Variants in GPR39 observed in about 807,000 individuals in gnomAD.
GPR39 encodes G protein-coupled receptor 39.
Under a neutral mutation model 18.4 loss-of-function variants are expected in GPR39, and 23 were observed. The ratio of observed to expected loss-of-function variants is 1.25; its 90% CI spans 0.90 to 1.77. GPR39 has a LOEUF of 1.77. Among genes scored for constraint, GPR39 ranks in the 40% most tolerant of loss-of-function variants. The probability of loss-of-function intolerance (pLI) is 0.00; values close to 1 mark genes in which losing one functional copy is unlikely to be tolerated. For synonymous variants in GPR39, 280 were observed against 257.9 expected, an observed-to-expected ratio of 1.09 and a Z score of -0.82; for missense variants, 647 against 602.4, an observed-to-expected ratio of 1.07 and a Z score of -0.78.
intron 1 of GPR39, among the ~76,000 whole-genome samples, chr2:132,515,950 C>A (rs961101322): frequency 6.6e-6 from 1 of 152,156 alleles, no homozygotes; most frequent in African/African-American, 2.4e-5. Flanking sequence ...TGAAGCCTCC[C>A]ATGTCATGTA....
At chr2:132,452,799 A>G (rs1680653890) in intron 1 of GPR39, among the ~76,000 whole-genome samples, 1 of 121,600 alleles carries the variant, frequency 8.2e-6, no homozygotes. Flanking sequence ...CCTGAAAAGG[A>G]CATGAACTCA....
chr2:132,534,596 C>T (rs1679711572), intron 1 of GPR39, among the ~76,000 whole-genome samples: 1 of 150,806 alleles, frequency 6.6e-6, no homozygotes, highest in Non-Finnish European at 1.5e-5. Context: ...ACCCAAATGT[C>T]CAACAATGAT....
Position 132,645,753 on chromosome 2 carries a change from T to TTCTAAGGACTGACTC in GPR39, c.*149_*163dup. 8.7e-7 allele frequency: 1 copy of TTCTAAGGACTGACTC among 1,142,960 alleles called. No homozygotes were observed. The allele number at this position is 1,142,960 out of a possible 1,614,324, so 70.8% of individuals were successfully genotyped here. On this transcript the variant is annotated 3_prime_UTR_variant, in exon 2 of 2. Transcript: ENST00000329321. ...AAAGGCAGATGCCCACCTCAGTGACTTCTAAGGACTGACTCTGCCAGCCTG... is the reference window on the plus strand; with the variant it reads ...AAAGGCAGATGCCCACCTCAGTGACTTCTAAGGACTGACTCTCTAAGGACTGACTCTGCCAGCCTG...
intron 1 of GPR39, among the ~76,000 whole-genome samples, chr2:132,509,430 A>G (rs961249727): frequency 9.2e-5 from 9 of 97,824 alleles, no homozygotes; most frequent in Admixed American, 2.6e-4. Context: ...CTCAAATATC[A>G]TATACACACT....
chr2:132,578,304 C>G (rs1680563795), intron 1 of GPR39, among the ~76,000 whole-genome samples: 1 of 152,012 alleles, frequency 6.6e-6, no homozygotes, highest in South Asian at 2.1e-4. Context: ...TGTTAAAGAA[C>G]TTTATATACA....
At chr2:132,437,758 G>T (rs921037117) in intron 1 of GPR39, among the ~76,000 whole-genome samples, 2 of 152,204 alleles carry the variant, frequency 1.3e-5, no homozygotes, top group African/African-American at 4.8e-5. Flanking sequence ...CAAGGAAATT[G>T]CAAGACACCA....
intron 1 of GPR39, among the ~76,000 whole-genome samples, chr2:132,496,131 G>A (rs2104800172): frequency 6.6e-6 from 1 of 152,286 alleles, no homozygotes; most frequent in Middle Eastern, 3.4e-3. Flanking sequence ...GGCTGCAGGA[G>A]CAATATAATT....
At position 132,432,126 on chromosome 2, in the gene GPR39, C is replaced by T. The variant is rs559524149; in HGVS notation, c.856+14228C>T. Among the ~76,000 whole-genome samples the T allele has an allele frequency of 4.5e-4, 69 of 152,222 alleles. No individual in the cohort carries two copies. The South Asian group carries it at 0.014, about 30-fold the overall frequency. Reference sequence around the variant, plus strand: ...TCTTGCTCCATTTGGGCTGTTATATCGAAATACCATAAACTGGGTGGTTTG... The same window carrying T: ...TCTTGCTCCATTTGGGCTGTTATATTGAAATACCATAAACTGGGTGGTTTG... On this transcript the variant is annotated intron_variant, in intron 1 of 1. Transcript: ENST00000329321.
Position 132,417,145 on chromosome 2 carries a change from C to A in GPR39, c.103C>A (p.Leu35Met), listed in dbSNP as rs760156002. 6.2e-7 allele frequency: 1 copy of A among 1,614,190 alleles called. No individual in the cohort carries two copies. The highest frequency in any genetic ancestry group is 2.2e-5 in the East Asian group (1 of 44,870). ...CACCTGGATCAAAATCACCCTTATT[C>A]TGGTGTACCTGATCATCTTCGTGAT... is the stretch of plus-strand genomic sequence containing the variant. Reference protein sequence around the residue: ...VATWIKITLILVYLIIFVMGL... With the variant: ...VATWIKITLIMVYLIIFVMGL... Residue 35 changes from leucine (L) to methionine (M), a missense_variant, in exon 1 of 2, where the codon CTG (leucine) becomes ATG (methionine). Coordinates refer to ENST00000329321, the MANE Select transcript of GPR39 (RefSeq NM_001508.3).
At chr2:132,465,281 A>G (rs991435997) in intron 1 of GPR39, among the ~76,000 whole-genome samples, 4 of 152,222 alleles carry the variant, frequency 2.6e-5, no homozygotes, top group Non-Finnish European at 5.9e-5. Flanking sequence ...TTGTCTCTAC[A>G]GAGGAGTTCC....
chr2:132,543,368 G>T (rs1001536259), intron 1 of GPR39, among the ~76,000 whole-genome samples: 3 of 152,138 alleles, frequency 2.0e-5, no homozygotes, highest in Non-Finnish European at 2.9e-5. Context: ...TCCACTGTGG[G>T]CATGTTTAGG....
intron 1 of GPR39, among the ~76,000 whole-genome samples, chr2:132,490,895 G>C (rs1225999544): frequency 6.6e-6 from 1 of 152,162 alleles, no homozygotes; most frequent in East Asian, 1.9e-4. Flanking sequence ...GGGAGATGAT[G>C]ATAAACGTGT....
chr2:132,536,804 C>G (rs1466532703), intron 1 of GPR39, among the ~76,000 whole-genome samples: 1 of 152,192 alleles, frequency 6.6e-6, no homozygotes, highest in Non-Finnish European at 1.5e-5. Flanking sequence ...TTGAATTGAT[C>G]CCTTTACCGT....
At chr2:132,589,232 CT>C (rs1291119204) in intron 1 of GPR39, among the ~76,000 whole-genome samples, 1 of 152,152 alleles carries the variant, frequency 6.6e-6, no homozygotes, top group Non-Finnish European at 1.5e-5. Flanking sequence ...CCCATTGCCC[CT>C]CTGCCTTCTT....
At chr2:132,612,833 G>T (rs1681259554) in intron 1 of GPR39, among the ~76,000 whole-genome samples, 1 of 152,142 alleles carries the variant, frequency 6.6e-6, no homozygotes, top group Admixed American at 6.5e-5. Flanking sequence ...TTTAGAATCG[G>T]AGTGTAAATG....
At chr2:132,614,823 G>A (rs951893595) in intron 1 of GPR39, among the ~76,000 whole-genome samples, 3 of 152,120 alleles carry the variant, frequency 2.0e-5, no homozygotes, top group Admixed American at 6.5e-5. Flanking sequence ...TTACAGGCAT[G>A]AGCCACCATG....
chr2:132,505,645 A>G (rs1040103264), intron 1 of GPR39, among the ~76,000 whole-genome samples: 15 of 152,178 alleles, frequency 9.9e-5, no homozygotes, highest in African/African-American at 3.6e-4. Flanking sequence ...GAGTGGGATT[A>G]TGTAATATTT....
At chr2:132,454,977 A>C (rs1680694777) in intron 1 of GPR39, among the ~76,000 whole-genome samples, 1 of 152,192 alleles carries the variant, frequency 6.6e-6, no homozygotes, top group East Asian at 1.9e-4. Flanking sequence ...CTTTGGTATC[A>C]GGATGATGTT....
intron 1 of GPR39, among the ~76,000 whole-genome samples, chr2:132,579,455 A>C (rs1275218450): frequency 6.6e-6 from 1 of 152,042 alleles, no homozygotes; most frequent in African/African-American, 2.4e-5. Flanking sequence ...GTGTTTTATA[A>C]ATTTTGATTA....
Sources: gnomAD v4.1 joint callset for allele counts (sites outside exome capture counted in the v4.1 genomes callset) on GRCh38, gnomAD v4.1.1 for gene constraint, MANE v1.5 for transcripts, NCBI Gene and HGNC (gene_info 2026-07-23, HGNC 2026-07-21) for gene names.